The following LSS variants were observed in gnomAD, a reference collection of about 807,000 sequenced individuals.
LSS encodes 2,3-epoxysqualene-lanosterol cyclase.
A neutral mutation model predicts 110.3 loss-of-function variants in LSS; 90 were observed. The observed-to-expected ratio is 0.82, with a 90% CI of 0.69 to 0.97. The LOEUF (loss-of-function observed/expected upper bound fraction) is 0.97, where lower values mean the gene tolerates loss of function less well. LSS is among the 50% of genes least tolerant of loss of function. LSS has a pLI of 0.00. For synonymous variants in LSS, 433 were observed against 400.0 expected, an observed-to-expected ratio of 1.08 and a Z score of -0.98; for missense variants, 927 against 990.0, an observed-to-expected ratio of 0.94 and a Z score of 0.85.
At chr21:46,196,455 G>A (rs1319494310) in intron 17 of LSS, 188 bp from the exon 18 acceptor site, 9 of 588,058 alleles carry the variant, frequency 1.5e-5, no homozygotes, top group African/African-American at 3.7e-5. Context: ...AGCGGGAAGC[G>A]GATTGGCAGA....
At chr21:46,224,567 C>A in intron 3 of LSS, 1 of 152,266 alleles carries the variant, frequency 6.6e-6, no homozygotes. Flanking sequence ...AAAACAAGCC[C>A]GTCTCTTTCC....
Position 46,191,123 on chromosome 21 carries a change from G to GCT in LSS, c.2178_2179dup (p.Ala727GlufsTer35). 5 of 1,614,150 alleles carry GCT rather than the reference G, an allele frequency of 3.1e-6. No homozygotes were observed. The highest frequency in any genetic ancestry group is 4.2e-6 in the Non-Finnish European group (5 of 1,180,022). ...ATGTTCTCAGGGGTGGCCAGCAAGG[G>GCT]CTCTCTCAGGGTACAGCTGGGAGAA... On this transcript the variant is annotated frameshift_variant, in exon 22 of 22. Coordinates refer to ENST00000397728, the MANE Select transcript of LSS (RefSeq NM_002340.6). LOFTEE classifies it high-confidence loss of function.
At chr21:46,198,829 CAAAAAAAA>C (rs35148484) in intron 17 of LSS, among the ~76,000 whole-genome samples, 37 of 73,456 alleles carry the variant, frequency 5.0e-4, no homozygotes, top group African/African-American at 1.6e-3. Flanking sequence ...CATCCACATG[CAAAAAAAA>C]AAAAAAAAAA....
chr21:46,222,129 C>T (rs1182717097), intron 4 of LSS, 154 bp from the exon 5 acceptor site: 4 of 729,886 alleles, frequency 5.5e-6, no homozygotes, highest in Non-Finnish European at 6.7e-6. Flanking sequence ...TGAGCAGCCA[C>T]TCTGCAGTAC....
intron 17 of LSS, among the ~76,000 whole-genome samples, chr21:46,202,722 A>T (rs943864180): frequency 3.3e-5 from 5 of 151,788 alleles, no homozygotes; most frequent in Non-Finnish European, 1.5e-5. Context: ...CAAAACATTT[A>T]AAAAATTAGC....
chr21:46,227,366 G>A (rs142250484), intron 3 of LSS, 186 bp downstream of exon 3: 2 of 657,490 alleles, frequency 3.0e-6, no homozygotes, highest in Non-Finnish European at 5.0e-6. Flanking sequence ...CCCTACACTG[G>A]CAAGGCTAGC....
intron 17 of LSS, among the ~76,000 whole-genome samples, chr21:46,198,954 G>A (rs2079945575): frequency 6.6e-6 from 1 of 151,446 alleles, no homozygotes; most frequent in Non-Finnish European, 1.5e-5. Flanking sequence ...TATAACACAG[G>A]AAAAAATCTA....
chr21:46,223,602 T>C (rs1243818515), intron 3 of LSS, among the ~76,000 whole-genome samples: 1 of 152,218 alleles, frequency 6.6e-6, no homozygotes, highest in African/African-American at 2.4e-5. Context: ...ATACCAGATA[T>C]AGATCTTAGA....
intron 2 of LSS, 53 bp from the exon 3 acceptor site, chr21:46,227,743 G>T (rs1010445318): frequency 1.3e-6 from 2 of 1,599,902 alleles, no homozygotes; most frequent in Non-Finnish European, 1.7e-6. Context: ...ACTGTTGCCC[G>T]GCCAGAGGAA....
chr21:46,217,893 G>A (rs1410600832), intron 6 of LSS, among the ~76,000 whole-genome samples: 1 of 152,120 alleles, frequency 6.6e-6, no homozygotes, highest in African/African-American at 2.4e-5. Context: ...TGTGCTCTAC[G>A]GCCCGCCTCA....
At chr21:46,200,440 C>A (rs2079964774) in intron 17 of LSS, among the ~76,000 whole-genome samples, 1 of 152,122 alleles carries the variant, frequency 6.6e-6, no homozygotes, top group African/African-American at 2.4e-5. Context: ...GCGGTCATCA[C>A]CTTAATCAAG....
At chr21:46,218,753 G>A (rs1287390467) in intron 6 of LSS, among the ~76,000 whole-genome samples, 3 of 144,904 alleles carry the variant, frequency 2.1e-5, no homozygotes, top group African/African-American at 7.8e-5. Context: ...TTGAGACAGA[G>A]TCTCACTCCG....
intron 17 of LSS, among the ~76,000 whole-genome samples, chr21:46,205,178 T>C (rs1223383574): frequency 6.6e-6 from 1 of 152,142 alleles, no homozygotes; most frequent in African/African-American, 2.4e-5. Context: ...TAACCCAGAC[T>C]GAAATCCTCC....
Position 46,228,583 on chromosome 21 carries a change from C to G in LSS, c.31G>C (p.Gly11Arg), listed in dbSNP as rs751051420. The G allele has an allele frequency of 3.1e-6, 5 of 1,591,676 alleles. No individual in the cohort carries two copies. The East Asian group carries it at 1.1e-4, about 36-fold the overall frequency. The stretch of plus-strand genomic sequence containing the variant: ...GCGGGCTCGGTCTTGTAGGGGCCCC[C>G]TCGGCGCCGCAGACACCTGAGGACC... MTEGTCLRRR[G>R]GPYKTEPATD... Residue 11 changes from glycine to arginine, a missense_variant, in exon 2 of 22, where the codon GGG (glycine) becomes CGG (arginine). Gly to Arg is a moderately radical substitution (Grantham distance 125). Transcript: ENST00000397728.
chr21:46,204,225 A>G (rs2080016245), intron 17 of LSS, among the ~76,000 whole-genome samples: 1 of 152,134 alleles, frequency 6.6e-6, no homozygotes, highest in South Asian at 2.1e-4. Context: ...AACCCCGGAA[A>G]CGGAGGTTGC....
intron 17 of LSS, among the ~76,000 whole-genome samples, chr21:46,199,914 G>A (rs2079958472): frequency 1.3e-5 from 2 of 152,270 alleles, no homozygotes; most frequent in South Asian, 2.1e-4. Context: ...AACATGAAGA[G>A]GAAGCTGAAT....
In LSS at chr21:46,219,564, C is replaced by T. The variant is rs149739328; in HGVS notation, c.559G>A (p.Val187Met). 7 of 1,595,996 alleles carry T rather than the reference C, an allele frequency of 4.4e-6. No individual in the cohort carries two copies. The highest frequency in any genetic ancestry group is 6.0e-6 in the Non-Finnish European group (7 of 1,171,356). ...AACTTCCCCCAGGAGGGGATGGCCA[C>T]AGCACCACCTGAGCGGGGAGAGAAT... is the stretch of plus-strand genomic sequence containing the variant. Reference protein sequence around the residue: ...RNILHKKGGAVAIPSWGKFWL... With the variant: ...RNILHKKGGAMAIPSWGKFWL... The change falls in exon 6 of 22, where the codon GTG becomes ATG. Residue 187 changes from valine to methionine, a missense_variant. Physicochemically the swap from Val to Met is conservative, Grantham distance 21. Coordinates refer to ENST00000397728, the MANE Select transcript of LSS (RefSeq NM_002340.6).
intron 10 of LSS, 78 bp downstream of exon 10, chr21:46,213,660 C>A (rs1040475064): frequency 2.0e-5 from 26 of 1,308,716 alleles, no homozygotes; most frequent in Non-Finnish European, 2.8e-5. Flanking sequence ...ACCGTGGGGG[C>A]CCCCTCACTG....
chr21:46,202,045 C>A (rs1179091040), intron 17 of LSS, among the ~76,000 whole-genome samples: 1 of 148,710 alleles, frequency 6.7e-6, no homozygotes, highest in Non-Finnish European at 1.5e-5. Context: ...CCACCCGCCT[C>A]GGCCTCCCAA....
Sources: gnomAD v4.1 joint callset for allele counts (sites outside exome capture counted in the v4.1 genomes callset) on GRCh38, gnomAD v4.1.1 for gene constraint, MANE v1.5 for transcripts, NCBI Gene and HGNC (gene_info 2026-07-23, HGNC 2026-07-21) for gene names.